The following JAZF1 variants were observed in gnomAD, a reference collection of about 807,000 sequenced individuals.
The protein encoded by JAZF1 is JAZF zinc finger 1, also known as juxtaposed with another zinc finger protein 1.
JAZF1 carries 8 observed loss-of-function variants against 26.4 expected under a neutral mutation model. The ratio of observed to expected loss-of-function variants is 0.30; its 90% CI spans 0.18 to 0.55. The LOEUF (loss-of-function observed/expected upper bound fraction) is 0.55. JAZF1 is among the 20% of genes least tolerant of loss of function. The probability of loss-of-function intolerance (pLI) is 0.94; values close to 1 mark genes in which losing one functional copy is unlikely to be tolerated. For synonymous variants in JAZF1, 126 were observed against 122.3 expected, an observed-to-expected ratio of 1.03 and a Z score of -0.20; for missense variants, 199 against 322.0, an observed-to-expected ratio of 0.62 and a Z score of 2.92.
intron 3 of JAZF1, among the ~76,000 whole-genome samples, chr7:27,847,911 G>A (rs1033283711): frequency 2.0e-4 from 31 of 151,962 alleles, no homozygotes; most frequent in African/African-American, 6.8e-4. Flanking sequence ...CAGGTGATCC[G>A]CCCGTCTCAG....
intron 2 of JAZF1, 102 bp from the exon 3 acceptor site, chr7:27,895,518 C>A: frequency 1.3e-6 from 1 of 763,596 alleles, no homozygotes; most frequent in South Asian, 2.6e-5. Context: ...GGAAAAGGAC[C>A]TTGGCCACAG....
intron 2 of JAZF1, among the ~76,000 whole-genome samples, chr7:27,942,900 G>C (rs1018308357): frequency 9.8e-5 from 15 of 152,294 alleles, no homozygotes; most frequent in African/African-American, 3.1e-4. Flanking sequence ...ATGGGGCAAG[G>C]GGTGCTGGGA....
chr7:27,849,752 G>GACAC (rs72394231), intron 3 of JAZF1, among the ~76,000 whole-genome samples: 7 of 108,474 alleles, frequency 6.5e-5, no homozygotes, highest in East Asian at 4.4e-4. Flanking sequence ...CTTACACACA[G>GACAC]ACACACACAC....
intron 1 of JAZF1, among the ~76,000 whole-genome samples, chr7:28,128,242 G>A (rs1409812006): frequency 6.6e-6 from 1 of 152,062 alleles, no homozygotes; most frequent in Non-Finnish European, 1.5e-5. Flanking sequence ...ATGCATATTC[G>A]ACTGGGCGCA....
intron 2 of JAZF1, among the ~76,000 whole-genome samples, chr7:27,901,661 AT>A (rs11345518): frequency 0.18 from 27,943 of 152,116 alleles, 3,272 homozygotes; most frequent in East Asian, 0.46. Context: ...TGTGGCTGTG[AT>A]TATGAGACTC....
At chr7:27,946,483 A>G (rs1271900088) in intron 2 of JAZF1, among the ~76,000 whole-genome samples, 1 of 152,212 alleles carries the variant, frequency 6.6e-6, no homozygotes, top group Admixed American at 6.5e-5. Context: ...TGGAAAAAAC[A>G]TCCGAGAGTC....
intron 1 of JAZF1, among the ~76,000 whole-genome samples, chr7:28,092,721 G>A (rs1288744022): frequency 1.3e-5 from 2 of 151,834 alleles, no homozygotes; most frequent in African/African-American, 4.8e-5. Flanking sequence ...TTAGCTGAGT[G>A]TAGTGACTTG....
intron 3 of JAZF1, among the ~76,000 whole-genome samples, chr7:27,847,143 CTTTTTTTCT>C (rs1192417676): frequency 2.8e-5 from 2 of 70,652 alleles, no homozygotes; most frequent in African/African-American, 1.1e-4. Context: ...CCCCGCCTGG[CTTTTTTTCT>C]TTTTTTTTTT....
chr7:28,057,602 T>G (rs1783732970), intron 1 of JAZF1, among the ~76,000 whole-genome samples: 1 of 152,230 alleles, frequency 6.6e-6, no homozygotes, highest in Non-Finnish European at 1.5e-5. Flanking sequence ...TAATGAATCT[T>G]CATGACCCAT....
At chr7:27,969,617 G>A (rs2106923) in intron 2 of JAZF1, among the ~76,000 whole-genome samples, 143,703 of 152,238 alleles carry the variant, frequency 0.94, 67,941 homozygotes, top group East Asian at 1. Flanking sequence ...TTAGGGTGGA[G>A]TGAAAAAACC....
intron 1 of JAZF1, among the ~76,000 whole-genome samples, chr7:28,126,374 C>T (rs1368620952): frequency 6.6e-6 from 1 of 151,528 alleles, no homozygotes; most frequent in Non-Finnish European, 1.5e-5. Flanking sequence ...ACAATAATTT[C>T]GGGTAGTGAT....
intron 2 of JAZF1, among the ~76,000 whole-genome samples, chr7:27,901,514 A>G (rs1190480293): frequency 2.0e-5 from 3 of 152,232 alleles, no homozygotes; most frequent in Non-Finnish European, 4.4e-5. Flanking sequence ...CTCCATGGCC[A>G]AAACACCTGA....
At chr7:27,962,822 CT>C (rs991292580) in intron 2 of JAZF1, among the ~76,000 whole-genome samples, 11 of 152,162 alleles carry the variant, frequency 7.2e-5, no homozygotes, top group Non-Finnish European at 1.5e-4. Flanking sequence ...AGAATTTCCC[CT>C]GATATTCTAG....
At chr7:28,170,773 A>G (rs530098951) in intron 1 of JAZF1, among the ~76,000 whole-genome samples, 11 of 152,276 alleles carry the variant, frequency 7.2e-5, no homozygotes, top group Admixed American at 3.9e-4. Flanking sequence ...AGAGCCTTCA[A>G]TGAAAATGCA....
intron 2 of JAZF1, among the ~76,000 whole-genome samples, chr7:27,989,822 T>C (rs1182347955): frequency 6.6e-6 from 1 of 152,154 alleles, no homozygotes; most frequent in African/African-American, 2.4e-5. Context: ...AGGAACACTT[T>C]TACACTGTTG....
At chr7:28,173,082 C>T (rs1562612201) in intron 1 of JAZF1, among the ~76,000 whole-genome samples, 1 of 152,320 alleles carries the variant, frequency 6.6e-6, no homozygotes, top group African/African-American at 2.4e-5. Flanking sequence ...TAGGGCTCCT[C>T]CAGGGCCCTG....
At chr7:28,174,362 A>T (rs1054951570) in intron 1 of JAZF1, among the ~76,000 whole-genome samples, 2 of 152,304 alleles carry the variant, frequency 1.3e-5, no homozygotes, top group African/African-American at 2.4e-5. Context: ...TCTGGCTTCC[A>T]AACAGTCCCA....
At chr7:27,963,760 G>A (rs1218766387) in intron 2 of JAZF1, among the ~76,000 whole-genome samples, 1 of 152,006 alleles carries the variant, frequency 6.6e-6, no homozygotes. Context: ...TAGAGGCAAG[G>A]TCTTGCTACA....
chr7:28,056,392 C>G (rs1349215360), intron 1 of JAZF1, among the ~76,000 whole-genome samples: 3 of 151,062 alleles, frequency 2.0e-5, no homozygotes, highest in Non-Finnish European at 4.4e-5. Flanking sequence ...ACTCAAAGGG[C>G]AACATCACGT....
Sources: allele counts gnomAD v4.1 joint callset (sites outside exome capture counted in the v4.1 genomes callset), GRCh38; gene constraint gnomAD v4.1.1; transcripts MANE v1.5; gene names NCBI Gene and HGNC (gene_info 2026-07-23, HGNC 2026-07-21).